STXBP4: variants seen among roughly 807,000 people sequenced by gnomAD.
STXBP4 encodes the protein syntaxin binding protein 4, also known as syntaxin-binding protein 4.
Under a neutral mutation model 76.1 loss-of-function variants are expected in STXBP4, and 55 were observed. The ratio of observed to expected loss-of-function variants is 0.72; its 90% CI spans 0.58 to 0.91. The LOEUF (loss-of-function observed/expected upper bound fraction) is 0.91, where lower values mean the gene tolerates loss of function less well. STXBP4 is among the 40% of genes least tolerant of loss of function. The pLI is 0.00. For missense variants in STXBP4, 618 were observed against 636.9 expected (o/e 0.97, Z 0.32); for synonymous variants, 201 against 220.2 (o/e 0.91, Z 0.77).
intron 16 of STXBP4, among the ~76,000 whole-genome samples, chr17:55,091,505 G>A (rs2144969003): frequency 6.6e-6 from 1 of 152,118 alleles, no homozygotes; most frequent in East Asian, 1.9e-4. Flanking sequence ...CCCAGAAGTG[G>A]AAAATTTCAC....
chr17:55,076,436 T>C (rs1339443111), intron 13 of STXBP4, among the ~76,000 whole-genome samples: 1 of 152,190 alleles, frequency 6.6e-6, no homozygotes, highest in Non-Finnish European at 1.5e-5. Flanking sequence ...TTTATTCAAC[T>C]CTTGTTCTTG....
At chr17:54,975,029 G>C (rs2077451313) in intron 1 of STXBP4, among the ~76,000 whole-genome samples, 1 of 152,134 alleles carries the variant, frequency 6.6e-6, no homozygotes, top group East Asian at 1.9e-4. Flanking sequence ...TTCTGGAAAG[G>C]CTTCTATCCA....
At chr17:54,977,193 C>A (rs2077485664) in intron 1 of STXBP4, among the ~76,000 whole-genome samples, 1 of 151,956 alleles carries the variant, frequency 6.6e-6, no homozygotes, top group African/African-American at 2.4e-5. Context: ...TCGTTAGATT[C>A]TTGAAAGAAA....
intron 13 of STXBP4, among the ~76,000 whole-genome samples, chr17:55,077,792 T>C (rs1383738555): frequency 1.3e-5 from 2 of 151,220 alleles, no homozygotes; most frequent in African/African-American, 2.4e-5. Context: ...GTAAGACACA[T>C]TGCAAAAACA....
At chr17:54,990,687 T>C (rs1398604814) in intron 3 of STXBP4, 138 bp from the exon 4 acceptor site, 20 of 1,014,282 alleles carry the variant, frequency 2.0e-5, no homozygotes, top group Non-Finnish European at 2.7e-5. Context: ...TTGTCTTCCA[T>C]GAAACAAGTC....
chr17:55,048,296 C>T (rs117819416), intron 12 of STXBP4, among the ~76,000 whole-genome samples: 6 of 151,814 alleles, frequency 4.0e-5, no homozygotes, highest in African/African-American at 1.2e-4. Context: ...TCCACCCACC[C>T]TACCCTATGA....
At chr17:55,177,999 T>G (rs2080437207), downstream of STXBP4, among the ~76,000 whole-genome samples, 2 of 152,192 alleles carry the variant, frequency 1.3e-5, no homozygotes, top group African/African-American at 4.8e-5. Flanking sequence ...GTCCTCCCTC[T>G]CCCTGGGTTG....
intron 11 of STXBP4, chr17:55,044,439 G>A (rs952888702): frequency 6.6e-6 from 1 of 151,736 alleles, no homozygotes; most frequent in African/African-American, 2.4e-5. Flanking sequence ...AACCTCTAGA[G>A]GAAGCCATTG....
the STXBP4 span, among the ~76,000 whole-genome samples, chr17:55,185,697 G>A: frequency 6.6e-6 from 1 of 152,118 alleles, no homozygotes; most frequent in Non-Finnish European, 1.5e-5. Flanking sequence ...GACATCTGAG[G>A]ACAACTACTC....
At chr17:55,150,355 CAG>C (rs939573281) in intron 17 of STXBP4, among the ~76,000 whole-genome samples, 8 of 152,140 alleles carry the variant, frequency 5.3e-5, no homozygotes, top group Non-Finnish European at 1.0e-4. Context: ...TCTTTGTACA[CAG>C]AGAGAGAGAT....
chr17:55,105,653 T>C (rs1378865841), intron 16 of STXBP4, among the ~76,000 whole-genome samples: 1 of 150,104 alleles, frequency 6.7e-6, no homozygotes, highest in African/African-American at 2.5e-5. Flanking sequence ...TTTTTTTTTG[T>C]ATTTTTAGTA....
At chr17:54,991,201 T>G (rs2077712074) in intron 4 of STXBP4, 1 of 234,774 alleles carries the variant, frequency 4.3e-6, no homozygotes, top group African/African-American at 2.2e-5. Flanking sequence ...ATTTTTAAAT[T>G]ACATGCTGTT....
rs999926413 is a variant in STXBP4, at chr17:55,161,170, T to C, written c.*1259T>C. 2.0e-5 allele frequency: 3 copies of C among 152,336 alleles called. No individual in the cohort carries two copies. Among genetic ancestry groups the C allele is most frequent in the East Asian group, 1.9e-4 (1 of 5,190 alleles). 9.4% of individuals were successfully genotyped at this position (152,336 alleles called of 1,614,324 possible). On this transcript the variant is annotated 3_prime_UTR_variant, in exon 18 of 18. Coordinates refer to ENST00000376352, the MANE Select transcript of STXBP4 (RefSeq NM_178509.6). ...ATATGGTGTATAATACAGATTTATA[T>C]GGTAAAGATATACATATACATTGTG...
At chr17:55,067,269 A>G (rs2079063975) in intron 12 of STXBP4, among the ~76,000 whole-genome samples, 1 of 152,200 alleles carries the variant, frequency 6.6e-6, no homozygotes, top group South Asian at 2.1e-4. Context: ...AGTTAAGAGT[A>G]CTAAATATGT....
At chr17:55,043,842 A>T (rs2078745043) in intron 11 of STXBP4, 3 of 569,974 alleles carry the variant, frequency 5.3e-6, no homozygotes, top group Admixed American at 7.0e-5. Flanking sequence ...TGGTTTTTTG[A>T]TTCTTGTTTT....
At chr17:55,031,146 T>G in intron 8 of STXBP4, 22 bp from the exon 9 acceptor site, 1 of 1,591,536 alleles carries the variant, frequency 6.3e-7, no homozygotes, top group South Asian at 1.1e-5. Flanking sequence ...AAATTGCTTT[T>G]CATGAGTCCT....
intron 16 of STXBP4, among the ~76,000 whole-genome samples, chr17:55,105,471 T>TTC (rs201079550): frequency 0.22 from 23,882 of 108,768 alleles, 2,357 homozygotes; most frequent in East Asian, 0.39. Flanking sequence ...TTCTTTTCTT[T>TTC]TTTTTTTTTT....
the STXBP4 span, among the ~76,000 whole-genome samples, chr17:55,195,337 G>C: frequency 6.6e-6 from 1 of 152,182 alleles, no homozygotes; most frequent in African/African-American, 2.4e-5. Flanking sequence ...AGATGTCCCT[G>C]CTTACCCCAA....
At chr17:54,998,611 A>G (rs2077853119) in intron 4 of STXBP4, among the ~76,000 whole-genome samples, 2 of 152,200 alleles carry the variant, frequency 1.3e-5, no homozygotes, top group Admixed American at 1.3e-4. Flanking sequence ...CAATATATGC[A>G]CAGCCAACTA....
Sources: gnomAD v4.1 joint callset for allele counts (sites outside exome capture counted in the v4.1 genomes callset) on GRCh38, gnomAD v4.1.1 for gene constraint, MANE v1.5 for transcripts, NCBI Gene and HGNC (gene_info 2026-07-23, HGNC 2026-07-21) for gene names.